Variants in AKAP13 observed in about 807,000 individuals in gnomAD.
AKAP13 encodes A-kinase anchor protein 13.
AKAP13 carries 80 observed loss-of-function variants against 264.5 expected under a neutral mutation model. That is an observed-to-expected ratio of 0.30 (90% CI 0.25 to 0.36). The LOEUF (loss-of-function observed/expected upper bound fraction) is 0.36. Among genes scored for constraint, AKAP13 ranks in the 10% least tolerant of loss-of-function variants. The probability of loss-of-function intolerance (pLI) is 1.00; values close to 1 mark genes in which losing one functional copy is unlikely to be tolerated. For missense variants in AKAP13, 3,712 were observed against 3,435.2 expected (o/e 1.08, Z -2.01); for synonymous variants, 1,380 against 1,250.2 (o/e 1.10, Z -2.19).
intron 1 of AKAP13, among the ~76,000 whole-genome samples, chr15:85,480,620 G>T (rs950745585): frequency 6.6e-6 from 1 of 150,784 alleles, no homozygotes. Context: ...GGTGGTGGGG[G>T]TGGGGGGGTT....
chr15:85,390,747 G>C (rs2070817423), intron 1 of AKAP13, among the ~76,000 whole-genome samples: 1 of 152,134 alleles, frequency 6.6e-6, no homozygotes, highest in South Asian at 2.1e-4. Context: ...GCTGAAAATA[G>C]AACTATAGGA....
chr15:85,646,243 G>A (rs1358370466), intron 10 of AKAP13, among the ~76,000 whole-genome samples: 1 of 152,150 alleles, frequency 6.6e-6, no homozygotes, highest in Non-Finnish European at 1.5e-5. Context: ...GGGAGGCTGA[G>A]GTGGGCGGAC....
At chr15:85,517,139 C>G (rs1192725083) in intron 2 of AKAP13, among the ~76,000 whole-genome samples, 1 of 152,156 alleles carries the variant, frequency 6.6e-6, no homozygotes, top group African/African-American at 2.4e-5. Flanking sequence ...ACTGGGCCCA[C>G]CTTTGAAAAT....
rs150841448 is a variant in AKAP13 at position 85,449,030 on chromosome 15, A to G, written c.-11-36680A>G. Among the ~76,000 whole-genome samples the G allele has an allele frequency of 1.8e-4, 28 of 152,202 alleles. No homozygotes were observed. The East Asian group carries it at 4.4e-3, about 24-fold the overall frequency. On this transcript the variant is annotated intron_variant, in intron 1 of 36. Transcript: ENST00000394518. ...TTAATGATATTGATTCTTCCTATCCATGAGCATGGATGTTTTTCCATTTGT... is the reference window on the plus strand; with the variant it reads ...TTAATGATATTGATTCTTCCTATCCGTGAGCATGGATGTTTTTCCATTTGT...
At chr15:85,492,244 C>A (rs1322137193) in intron 2 of AKAP13, among the ~76,000 whole-genome samples, 1 of 152,198 alleles carries the variant, frequency 6.6e-6, no homozygotes, top group Non-Finnish European at 1.5e-5. Context: ...AGGCCAAGCA[C>A]AGTGGCTCAT....
chr15:85,548,626 A>G (rs1000897191), intron 5 of AKAP13, among the ~76,000 whole-genome samples: 1 of 152,278 alleles, frequency 6.6e-6, no homozygotes, highest in African/African-American at 2.4e-5. Context: ...ACTTTGTTAA[A>G]CTCTAAGATA....
At chr15:85,609,086 T>C (rs1228429550) in intron 8 of AKAP13, among the ~76,000 whole-genome samples, 1 of 152,232 alleles carries the variant, frequency 6.6e-6, no homozygotes, top group Admixed American at 6.5e-5. Flanking sequence ...ATAATTAGCA[T>C]ATCTGTCACC....
intron 8 of AKAP13, among the ~76,000 whole-genome samples, chr15:85,632,445 CAG>C (rs1358953645): frequency 6.6e-6 from 1 of 152,116 alleles, no homozygotes; most frequent in African/African-American, 2.4e-5. Flanking sequence ...CGGAAGGAAA[CAG>C]TATTTTTATC....
intron 8 of AKAP13, among the ~76,000 whole-genome samples, chr15:85,638,398 T>C (rs1018915446): frequency 3.3e-5 from 5 of 152,152 alleles, no homozygotes; most frequent in South Asian, 2.1e-4. Context: ...TTGAGGTTTG[T>C]TTTATGTGAT....
At chr15:85,613,713 TTA>T (rs146941178) in intron 8 of AKAP13, among the ~76,000 whole-genome samples, 10,805 of 110,762 alleles carry the variant, frequency 0.098, 1,728 homozygotes, top group Admixed American at 0.21. Context: ...TATATATATA[TTA>T]GGAGTGCTGA....
chr15:85,738,898 ATAACAT>A (rs1409796952), intron 33 of AKAP13, among the ~76,000 whole-genome samples: 1 of 151,972 alleles, frequency 6.6e-6, no homozygotes, highest in Non-Finnish European at 1.5e-5. Flanking sequence ...AGCCTTCTAC[ATAACAT>A]ATCCGAGTTG....
intron 1 of AKAP13, among the ~76,000 whole-genome samples, chr15:85,432,639 C>T (rs1485937876): frequency 6.6e-6 from 1 of 152,096 alleles, no homozygotes; most frequent in Non-Finnish European, 1.5e-5. Flanking sequence ...CTCATTATAC[C>T]ACTCAATTTT....
chr15:85,395,104 A>AT (rs2071049623), intron 1 of AKAP13, among the ~76,000 whole-genome samples: 1 of 152,186 alleles, frequency 6.6e-6, no homozygotes, highest in African/African-American at 2.4e-5. Flanking sequence ...GTTCAGAGGA[A>AT]CCGTTCATTG....
intron 5 of AKAP13, among the ~76,000 whole-genome samples, chr15:85,548,287 A>G (rs1020974194): frequency 1.3e-5 from 2 of 152,160 alleles, no homozygotes; most frequent in African/African-American, 4.8e-5. Context: ...AATAAAGGAT[A>G]TTGCTATTTA....
chr15:85,522,218 A>G (rs1198524203), intron 3 of AKAP13, among the ~76,000 whole-genome samples: 1 of 152,090 alleles, frequency 6.6e-6, no homozygotes, highest in Non-Finnish European at 1.5e-5. Context: ...AGTTCTCATT[A>G]GGAAAGGAAT....
intron 16 of AKAP13, among the ~76,000 whole-genome samples, chr15:85,687,486 A>G (rs2085005950): frequency 6.6e-6 from 1 of 152,160 alleles, no homozygotes; most frequent in Non-Finnish European, 1.5e-5. Flanking sequence ...CAAAATGACA[A>G]CACTTTTTTG....
intron 1 of AKAP13, among the ~76,000 whole-genome samples, chr15:85,421,246 A>G (rs1410829741): frequency 6.6e-6 from 1 of 152,234 alleles, no homozygotes; most frequent in Non-Finnish European, 1.5e-5. Context: ...TGCACTAGTC[A>G]TTCTTAAAGG....
At chr15:85,537,574 C>T (rs1032597203) in intron 4 of AKAP13, among the ~76,000 whole-genome samples, 7 of 152,206 alleles carry the variant, frequency 4.6e-5, no homozygotes, top group African/African-American at 9.6e-5. Context: ...CACACATTTA[C>T]ATATGATAAA....
chr15:85,451,336 G>T (rs2074082368), intron 1 of AKAP13, among the ~76,000 whole-genome samples: 1 of 152,122 alleles, frequency 6.6e-6, no homozygotes, highest in Non-Finnish European at 1.5e-5. Context: ...TTGCCACTTT[G>T]TGCCTTTTAA....
Sources: gnomAD v4.1 joint callset for allele counts (sites outside exome capture counted in the v4.1 genomes callset) on GRCh38, gnomAD v4.1.1 for gene constraint, MANE v1.5 for transcripts, NCBI Gene and HGNC (gene_info 2026-07-23, HGNC 2026-07-21) for gene names.